The following MAPT variants were observed in gnomAD, a reference collection of about 807,000 sequenced individuals.
MAPT encodes microtubule associated protein tau.
In MAPT, 34 loss-of-function variants were observed where a neutral mutation model predicts 67.9. The observed-to-expected ratio is 0.50, with a 90% CI of 0.38 to 0.67. The LOEUF is 0.67. MAPT is among the 30% of genes least tolerant of loss of function. The probability of loss-of-function intolerance (pLI) is 0.00; values close to 1 mark genes in which losing one functional copy is unlikely to be tolerated. For synonymous variants in MAPT, 456 were observed against 464.5 expected (o/e 0.98, Z 0.23); for missense variants, 881 against 1,115.2 (o/e 0.79, Z 2.99).
chr17:45,997,565 C>T (rs1322169429), intron 9 of MAPT, among the ~76,000 whole-genome samples: 1 of 152,214 alleles, frequency 6.6e-6, no homozygotes, highest in Non-Finnish European at 1.5e-5. Flanking sequence ...CGAGACCAAC[C>T]TGACCAACAG....
In MAPT at chr17:45,991,480, G is replaced by C; in HGVS notation, c.1626G>C (p.Lys542Asn). The change falls in exon 8 of 13, where the codon AAG becomes AAC. Residue 542 changes from lysine (K) to asparagine (N), a missense_variant. Around this residue, in one of 6 missense-constraint regions of MAPT, gnomAD observed 687 missense variants for 766.1 expected, o/e 0.90. Transcript: ENST00000262410. The part of the protein sequence containing the change: ...MKLKGADGKT[K>N]IATPRGAAPP... ...TACAGGGGGCTGATGGTAAAACGAAGATCGCCACACCGCGGGGAGCAGCCC... is the reference window on the plus strand; with the variant it reads ...TACAGGGGGCTGATGGTAAAACGAACATCGCCACACCGCGGGGAGCAGCCC... 1 of 1,614,216 alleles carries C rather than the reference G, an allele frequency of 6.2e-7. No homozygotes were observed. Among genetic ancestry groups the C allele is most frequent in the Non-Finnish European group, 8.5e-7 (1 of 1,180,036 alleles).
chr17:45,945,815 A>G (rs1051787618), intron 1 of MAPT, among the ~76,000 whole-genome samples: 1 of 152,114 alleles, frequency 6.6e-6, no homozygotes, highest in Non-Finnish European at 1.5e-5. Context: ...GCAATCTCAA[A>G]AAAAAAGAAA....
At chr17:46,012,027 C>T (rs528075807) in intron 10 of MAPT, among the ~76,000 whole-genome samples, 12 of 152,244 alleles carry the variant, frequency 7.9e-5, no homozygotes, top group South Asian at 6.2e-4. Flanking sequence ...AGGTGTGTGC[C>T]GCCCCCACCC....
chr17:45,965,920 G>C (rs2071031567), intron 2 of MAPT, among the ~76,000 whole-genome samples: 1 of 152,186 alleles, frequency 6.6e-6, no homozygotes. Flanking sequence ...TGACAAAGGA[G>C]CCTCATGCTC....
chr17:45,915,868 C>T lies in MAPT; in HGVS notation c.-18+21182C>T, dbSNP rs1352639045. 6.6e-6 allele frequency among the ~76,000 whole-genome samples: 1 copy of T among 152,166 alleles called. No homozygotes were observed. Among genetic ancestry groups the T allele is most frequent in the Non-Finnish European group, 1.5e-5 (1 of 68,026 alleles). The stretch of plus-strand genomic sequence containing the variant: ...CTGATGTCATTTGACGATCTTGATG[C>T]CAAATCCTTTTATATCAAAAACAAC... On this transcript the variant is annotated intron_variant, in intron 1 of 12. Coordinates refer to ENST00000262410, the MANE Select transcript of MAPT (RefSeq NM_001377265.1). This position sits in a 1 kb window ranked among gnomAD's most constrained non-coding sequence, Gnocchi z 4.4.
At chr17:46,002,347 AGAG>A (rs767680906) in intron 9 of MAPT, among the ~76,000 whole-genome samples, 18 of 152,096 alleles carry the variant, frequency 1.2e-4, no homozygotes, top group Non-Finnish European at 2.5e-4. Flanking sequence ...TGGGAAACAT[AGAG>A]GAGAACTGAA....
intron 1 of MAPT, among the ~76,000 whole-genome samples, chr17:45,941,627 C>T (rs1207597609): frequency 7.6e-6 from 1 of 131,876 alleles, no homozygotes; most frequent in African/African-American, 2.9e-5. Flanking sequence ...CCCTTCCCTC[C>T]TTCCCTCTTT....
intron 1 of MAPT, among the ~76,000 whole-genome samples, chr17:45,954,412 T>C (rs1190047966): frequency 6.6e-6 from 1 of 152,140 alleles, no homozygotes; most frequent in East Asian, 1.9e-4. Context: ...GCTTGAGCTC[T>C]GGAGTTCATG....
At chr17:46,009,104 TAGG>T (rs2075648932) in intron 9 of MAPT, among the ~76,000 whole-genome samples, 1 of 152,000 alleles carries the variant, frequency 6.6e-6, no homozygotes. Flanking sequence ...GAGGCTGAAG[TAGG>T]AGAATCCCCT....
At chr17:46,007,423 G>C (rs2075525170) in intron 9 of MAPT, among the ~76,000 whole-genome samples, 1 of 152,002 alleles carries the variant, frequency 6.6e-6, no homozygotes, top group Admixed American at 6.6e-5. Context: ...GGAGTTTAAG[G>C]CTGCAGTGAG....
intron 1 of MAPT, among the ~76,000 whole-genome samples, chr17:45,942,827 C>G (rs2068117724): frequency 6.6e-6 from 1 of 152,210 alleles, no homozygotes; most frequent in East Asian, 1.9e-4. Context: ...CTCACCTAAT[C>G]CCCACATTTT....
intron 1 of MAPT, among the ~76,000 whole-genome samples, chr17:45,925,066 A>G (rs2066149503): frequency 2.0e-5 from 3 of 152,306 alleles, no homozygotes; most frequent in African/African-American, 2.4e-5. Context: ...CCCCACTGCC[A>G]CTGTCCCCTT....
At chr17:45,965,171 C>T (rs1194331788) in intron 2 of MAPT, among the ~76,000 whole-genome samples, 3 of 152,072 alleles carry the variant, frequency 2.0e-5, no homozygotes, top group African/African-American at 7.2e-5. Context: ...GTGGCTCACA[C>T]CTGTAATCCC....
rs556911414 is a variant in MAPT, at chr17:45,971,724, C to T, written c.134-135C>T. On this transcript the variant is annotated intron_variant, in intron 2 of 12. Coordinates refer to ENST00000262410, the MANE Select transcript of MAPT (RefSeq NM_001377265.1). This position sits in a 1 kb window ranked among gnomAD's most constrained non-coding sequence, Gnocchi z 4.3. ...GTTGGTCCCCTTTGTGGGTTTGTTG[C>T]GAGGCCGTGTTCCAGCTGTTTCCAC... The T allele has an allele frequency of 1.7e-4, 120 of 722,908 alleles. No individual in the cohort carries two copies. Among genetic ancestry groups the T allele is most frequent in the Non-Finnish European group, 2.5e-4 (100 of 398,562 alleles). The allele number at this position is 722,908 out of a possible 1,614,324, so 44.8% of individuals were successfully genotyped here.
chr17:45,998,688 A>G (rs370497209), intron 9 of MAPT, among the ~76,000 whole-genome samples: 4 of 152,114 alleles, frequency 2.6e-5, no homozygotes, highest in African/African-American at 9.7e-5. Flanking sequence ...GAAATAACTC[A>G]CAGGTGACCC....
chr17:45,974,455 C>G, intron 3 of MAPT: 1 of 1,606,398 alleles, frequency 6.2e-7, no homozygotes, highest in Non-Finnish European at 8.5e-7. Context: ...ACACGGAGAT[C>G]CCAGAAGGAA....
chr17:46,002,063 C>A lies in MAPT; in HGVS notation c.1998+5399C>A, dbSNP rs2075046486. ...CAAAAGCAAAATAAACAACTGGAGG[C>A]AGCTGGGGCAGCAGAGGGTGTGTGT... On this transcript the variant is annotated intron_variant, in intron 9 of 12. Transcript: ENST00000262410. Among the ~76,000 whole-genome samples, 3 of 152,180 alleles carry A rather than the reference C, an allele frequency of 2.0e-5. No individual in the cohort carries two copies. The South Asian group carries it at 6.2e-4, about 32-fold the overall frequency.
rs545153697 is a variant in MAPT, at chr17:45,904,687, G to A, written c.-18+10001G>A. On this transcript the variant is annotated intron_variant, in intron 1 of 12. Transcript: ENST00000262410. ...AGCCTGGGTAACACAGCAAGGCCCT[G>A]TCTCTAAACTTTTTTTTTTTAATTC... Among the ~76,000 whole-genome samples, 3 of 144,550 alleles carry A rather than the reference G, an allele frequency of 2.1e-5. No individual in the cohort carries two copies. The South Asian group carries it at 6.9e-4, about 33-fold the overall frequency. The allele number at this position is 144,550 out of a possible 152,430, so 94.8% of individuals were successfully genotyped here. A position where few individuals can be genotyped will look rare whatever the true frequency, so the allele number is the denominator to read the frequency against.
At chr17:45,928,165 A>T (rs2066532925) in intron 1 of MAPT, among the ~76,000 whole-genome samples, 1 of 152,126 alleles carries the variant, frequency 6.6e-6, no homozygotes. Context: ...GCAGTGACAA[A>T]CAAGATCCCA....
Sources: allele counts gnomAD v4.1 joint callset (sites outside exome capture counted in the v4.1 genomes callset), GRCh38; gene constraint gnomAD v4.1.1; regional missense constraint gnomAD v4.1.1; non-coding constraint Gnocchi (gnomAD v3.1); transcripts MANE v1.5; gene names NCBI Gene and HGNC (gene_info 2026-07-23, HGNC 2026-07-21).